Variants in TSNAXIP1 observed in about 807,000 individuals in gnomAD.
TSNAXIP1 encodes translin associated factor X interacting protein 1.
Under a neutral mutation model 84.8 loss-of-function variants are expected in TSNAXIP1, and 89 were observed. That is an observed-to-expected ratio of 1.05 (90% CI 0.88 to 1.25). TSNAXIP1 has a LOEUF of 1.25. Ranked by LOEUF, TSNAXIP1 falls within the 50% of genes most tolerant of loss-of-function variation. TSNAXIP1 has a pLI of 0.00. For synonymous variants in TSNAXIP1, 347 were observed against 335.2 expected, an observed-to-expected ratio of 1.04 and a Z score of -0.39; for missense variants, 874 against 887.6, an observed-to-expected ratio of 0.98 and a Z score of 0.20.
rs770461088 is a variant in TSNAXIP1, at chr16:67,825,737, G to A, written c.885G>A (p.Thr295=). ...TGACCCGGCAAGACCTGACCCGCACGCAGATGGAACTCAACAACATGAAGG... is the reference window on the plus strand; with the variant it reads ...TGACCCGGCAAGACCTGACCCGCACACAGATGGAACTCAACAACATGAAGG... ...LKMTRQDLTR[T]QMELNNMKAN... Residue 295 remains threonine, a synonymous_variant, in exon 8 of 16, where the codon ACG becomes ACA. Transcript: ENST00000561639. 13 of 1,614,186 alleles carry A rather than the reference G, an allele frequency of 8.1e-6. No homozygotes were observed. The highest frequency in any genetic ancestry group is 5.5e-5 in the South Asian group (5 of 91,086).
In TSNAXIP1 at chr16:67,826,458, G is replaced by A; in HGVS notation, c.1297G>A (p.Ala433Thr). The change falls in exon 11 of 16, where the codon GCT becomes ACT. Residue 433 changes from alanine (A) to threonine (T), a missense_variant. Coordinates refer to ENST00000561639, the MANE Select transcript of TSNAXIP1 (RefSeq NM_001288990.3). ...PGLGYGEAIP[A>T]FLRFDGLVEN... ...CTAGGGCTATGGGGAAGCCATCCCT[G>A]CTTTTCTTCGGTTTGATGGCCTCGT... is the stretch of plus-strand genomic sequence containing the variant. 6.2e-7 allele frequency: 1 copy of A among 1,613,972 alleles called. No homozygotes were observed. Among genetic ancestry groups the A allele is most frequent in the Non-Finnish European group, 8.5e-7 (1 of 1,180,024 alleles).
intron 4 of TSNAXIP1, among the ~76,000 whole-genome samples, chr16:67,822,780 G>A (rs1016196813): frequency 6.6e-6 from 1 of 152,218 alleles, no homozygotes; most frequent in African/African-American, 2.4e-5. Flanking sequence ...AGATAAGGAA[G>A]AAAGCATACC....
At chr16:67,820,764 G>A in intron 2 of TSNAXIP1, 75 bp from the exon 3 acceptor site, 1 of 1,161,694 alleles carries the variant, frequency 8.6e-7, no homozygotes, top group Non-Finnish European at 1.2e-6. Context: ...TCAGGACTGG[G>A]GGAGGAGAGA....
At chr16:67,807,400 T>C (rs2055544847) in intron 1 of TSNAXIP1, 2 of 1,522,872 alleles carry the variant, frequency 1.3e-6, no homozygotes, top group Non-Finnish European at 1.8e-6. Flanking sequence ...GCGCACTTTA[T>C]CATTACTAGT....
rs746106797 is a variant in TSNAXIP1, at chr16:67,824,662, G to A, written c.561G>A (p.Arg187=). ...CTGTGAATGAGGACTGCAATGAGAG[G>A]ATCCTGGCCATGAGAGCTGAGGAGA... The part of the protein sequence containing the change: ...LVTVNEDCNE[R]ILAMRAEEKY... Residue 187 remains arginine (R), a synonymous_variant, in exon 6 of 16, where the codon AGG becomes AGA. Coordinates refer to ENST00000561639, the MANE Select transcript of TSNAXIP1 (RefSeq NM_001288990.3). The A allele has an allele frequency of 1.9e-6, 3 of 1,614,164 alleles. No individual in the cohort carries two copies. Among genetic ancestry groups the A allele is most frequent in the East Asian group, 2.2e-5 (1 of 44,882 alleles).
chr16:67,813,786 A>G (rs2056320898), intron 1 of TSNAXIP1, among the ~76,000 whole-genome samples: 1 of 150,996 alleles, frequency 6.6e-6, no homozygotes, highest in Non-Finnish European at 1.5e-5. Context: ...TGAAGAAACC[A>G]GGCTGAGAAA....
At chr16:67,817,145 TTTTTTTTGTTTTTTG>T (rs2056632276) in intron 2 of TSNAXIP1, among the ~76,000 whole-genome samples, 1 of 151,020 alleles carries the variant, frequency 6.6e-6, no homozygotes, top group African/African-American at 2.4e-5. Context: ...TTTTGCGGTT[TTTTTTTTGTTTTTTG>T]TTTTTTTGAA....
intron 2 of TSNAXIP1, among the ~76,000 whole-genome samples, chr16:67,817,994 A>G (rs1458527365): frequency 6.6e-6 from 1 of 151,882 alleles, no homozygotes; most frequent in Non-Finnish European, 1.5e-5. Flanking sequence ...GCAGATCACT[A>G]GGTCAGGAGT....
intron 2 of TSNAXIP1, among the ~76,000 whole-genome samples, chr16:67,816,850 G>C (rs991415416): frequency 1.3e-5 from 2 of 151,930 alleles, no homozygotes; most frequent in Non-Finnish European, 2.9e-5. Context: ...ACCCGGCCCT[G>C]GCAGCTGGTT....
Position 67,821,245 on chromosome 16 carries a change from CT to C in TSNAXIP1, c.387+22del. 1 of 1,004,998 alleles carries C rather than the reference CT, an allele frequency of 1.0e-6. No homozygotes were observed. Among genetic ancestry groups the C allele is most frequent in the Non-Finnish European group, 1.4e-6 (1 of 689,680 alleles). 62.3% of individuals were successfully genotyped at this position (1,004,998 alleles called of 1,614,324 possible). On this transcript the variant is annotated intron_variant, in intron 4 of 15. Transcript: ENST00000561639. ...CTGCAGGTCAGAGCCACAGAAGAAA[CT>C]TGGGGAGGGCGGGGGAAGGGTGGGA...
intron 2 of TSNAXIP1, among the ~76,000 whole-genome samples, chr16:67,816,100 C>T (rs2056528597): frequency 6.6e-6 from 1 of 151,546 alleles, no homozygotes; most frequent in African/African-American, 2.4e-5. Flanking sequence ...GCCCCAGTAG[C>T]TGGGACAGAC....
At chr16:67,819,920 G>T (rs1406359408) in intron 2 of TSNAXIP1, among the ~76,000 whole-genome samples, 1 of 150,148 alleles carries the variant, frequency 6.7e-6, no homozygotes, top group African/African-American at 2.5e-5. Flanking sequence ...CTGGGTTCAT[G>T]CCATTCTCCT....
chr16:67,825,425 T>A, intron 7 of TSNAXIP1, 153 bp downstream of exon 7: 1 of 1,227,528 alleles, frequency 8.1e-7, no homozygotes, highest in Non-Finnish European at 1.1e-6. Context: ...CAGGGCTGTG[T>A]ATCTTCTGAG....
At position 67,818,426 on chromosome 16, in the gene TSNAXIP1, A is replaced by T. The variant is rs546192845; in HGVS notation, c.148-2413A>T. On this transcript the variant is annotated intron_variant, in intron 2 of 15. Transcript: ENST00000561639. ...TAGCTACTCAGGAGACTGAGGTGGG[A>T]GGATCTCTTGAGCCCGGGAGTTTGT... Among the ~76,000 whole-genome samples, 17 of 152,204 alleles carry T rather than the reference A, an allele frequency of 1.1e-4. No individual in the cohort carries two copies. In the East Asian group the frequency reaches 1.9e-3, roughly 17 times the overall value.
Position 67,826,853 on chromosome 16 carries a change from G to A in TSNAXIP1, c.1554+9G>A, listed in dbSNP as rs769650725. ...CAGTCTTGATGGGAAAGGTGAGCTG[G>A]GGCCTATTCCCCTTGGGGAGACTGA... is the stretch of plus-strand genomic sequence containing the variant. On this transcript the variant is annotated intron_variant, in intron 12 of 15. Transcript: ENST00000561639. 27 of 1,612,838 alleles carry A rather than the reference G, an allele frequency of 1.7e-5. No homozygotes were observed. In the Admixed American group the frequency reaches 3.3e-4, roughly 20 times the overall value.
At chr16:67,819,216 CATAA>C (rs2056833350) in intron 2 of TSNAXIP1, among the ~76,000 whole-genome samples, 1 of 151,210 alleles carries the variant, frequency 6.6e-6, no homozygotes, top group Admixed American at 6.6e-5. Context: ...AACATACATA[CATAA>C]ATAATTACAT....
At chr16:67,826,407 C>G in intron 10 of TSNAXIP1, 30 bp from the exon 11 acceptor site, 1 of 1,612,654 alleles carries the variant, frequency 6.2e-7, no homozygotes, top group Non-Finnish European at 8.5e-7. Context: ...ACAGATGGGT[C>G]CAGAGATGAG....
intron 2 of TSNAXIP1, 94 bp downstream of exon 2, chr16:67,814,495 C>T (rs2056377979): frequency 2.0e-6 from 2 of 1,010,668 alleles, no homozygotes; most frequent in South Asian, 2.8e-5. Flanking sequence ...CCACCTGAAA[C>T]ATGCCCACCT....
intron 5 of TSNAXIP1, among the ~76,000 whole-genome samples, chr16:67,824,046 C>T (rs2057266523): frequency 6.9e-6 from 1 of 145,344 alleles, no homozygotes; most frequent in African/African-American, 2.6e-5. Flanking sequence ...AAGAATGCAG[C>T]TCCCCTCCTT....
Sources: gnomAD v4.1 joint callset for allele counts (sites outside exome capture counted in the v4.1 genomes callset) on GRCh38, gnomAD v4.1.1 for gene constraint, MANE v1.5 for transcripts, NCBI Gene and HGNC (gene_info 2026-07-23, HGNC 2026-07-21) for gene names.